The following SMAD2 variants were observed in gnomAD, a reference collection of about 807,000 sequenced individuals.
SMAD2 encodes the protein MAD homolog 2.
Under a neutral mutation model 64.4 loss-of-function variants are expected in SMAD2, and 8 were observed. The ratio of observed to expected loss-of-function variants is 0.12; its 90% confidence interval spans 0.07 to 0.22. The LOEUF (loss-of-function observed/expected upper bound fraction) is 0.22, where lower values mean the gene tolerates loss of function less well. SMAD2 is among the 10% of genes least tolerant of loss of function. SMAD2 has a pLI of 1.00. For missense variants in SMAD2, 289 were observed against 561.2 expected (o/e 0.51, Z 4.90); for synonymous variants, 203 against 195.8 (o/e 1.04, Z -0.31).
At chr18:47,856,854 ATTTTTTTTTT>A (rs758202544) in intron 6 of SMAD2, among the ~76,000 whole-genome samples, 13 of 123,284 alleles carry the variant, frequency 1.1e-4, no homozygotes, top group Non-Finnish European at 1.7e-4. Flanking sequence ...AACTATGCTA[ATTTTTTTTTT>A]TTTTTTTTTT....
chr18:47,896,610 C>T lies in SMAD2; in HGVS notation c.147G>A (p.Val49=), dbSNP rs961160617. Residue 49 remains valine, a synonymous_variant, in exon 2 of 11, where the codon GTG becomes GTA. Transcript: ENST00000262160. ...ATCGTCCTGTTTTCTTTAGCTTCTT[C>T]ACCAGACTTTTCACTGCTTTCTCAC... ...KWCEKAVKSL[V]KKLKKTGRLD... The T allele has an allele frequency of 6.2e-7, 1 of 1,614,160 alleles. No homozygotes were observed. Among genetic ancestry groups the T allele is most frequent in the Non-Finnish European group, 8.5e-7 (1 of 1,180,012 alleles).
rs1912525942 is a variant in SMAD2 at position 47,820,335 on chromosome 18, G to C, written c.*21492C>G. ...AATTAAGGTTAATAAGTTAAAATTT[G>C]AAAATACACAATTCCATATACAAAG... On this transcript the variant is annotated 3_prime_UTR_variant, in exon 11 of 11. Coordinates refer to ENST00000262160, the MANE Select transcript of SMAD2 (RefSeq NM_005901.6). The C allele has an allele frequency of 6.6e-6, 1 of 152,084 alleles. No individual in the cohort carries two copies. Among genetic ancestry groups the C allele is most frequent in the Admixed American group, 6.6e-5 (1 of 15,252 alleles). The allele number at this position is 152,084 out of a possible 1,614,324, so 9.4% of individuals were successfully genotyped here. A position where few individuals can be genotyped will look rare whatever the true frequency, so the allele number is the denominator to read the frequency against.
chr18:47,877,080 T>TA (rs902411587), intron 2 of SMAD2, among the ~76,000 whole-genome samples: 5 of 152,104 alleles, frequency 3.3e-5, no homozygotes, highest in African/African-American at 1.2e-4. Flanking sequence ...CTGCTGCAGT[T>TA]AGACAACCAA....
intron 6 of SMAD2, among the ~76,000 whole-genome samples, chr18:47,861,989 CAGAT>C (rs1289006037): frequency 1.3e-5 from 2 of 152,168 alleles, no homozygotes; most frequent in Non-Finnish European, 2.9e-5. Context: ...ATTTCAAACT[CAGAT>C]AGTCTAGCTC....
intron 2 of SMAD2, chr18:47,878,292 C>G (rs919818713): frequency 1.2e-4 from 18 of 152,134 alleles, no homozygotes; most frequent in African/African-American, 4.3e-4. Flanking sequence ...AAATAATGTC[C>G]AGATATGTGA....
In SMAD2 at chr18:47,833,411, T is replaced by A. The variant is rs1201937883; in HGVS notation, c.*8416A>T. On this transcript the variant is annotated 3_prime_UTR_variant, in exon 11 of 11. Transcript: ENST00000262160. ...GCCTCAGCTCATTGTTTAATAAAAA[T>A]AAAAAAGGAACCACATCGTACTTTT... The A allele has an allele frequency of 4.5e-6, 1 of 224,654 alleles. No individual in the cohort carries two copies. Among genetic ancestry groups the A allele is most frequent in the African/African-American group, 2.2e-5 (1 of 44,828 alleles). 13.9% of individuals were successfully genotyped at this position (224,654 alleles called of 1,614,324 possible). A position where few individuals can be genotyped will look rare whatever the true frequency, so the allele number is the denominator to read the frequency against.
chr18:47,854,898 T>C (rs2030529502), intron 6 of SMAD2, among the ~76,000 whole-genome samples: 1 of 152,198 alleles, frequency 6.6e-6, no homozygotes, highest in South Asian at 2.1e-4. Flanking sequence ...ATTAGGGCTA[T>C]GTTATACATT....
intron 2 of SMAD2, among the ~76,000 whole-genome samples, chr18:47,879,584 T>TC (rs2032469506): frequency 6.6e-6 from 1 of 151,446 alleles, no homozygotes; most frequent in African/African-American, 2.4e-5. Flanking sequence ...CTTATACTGA[T>TC]AGACACCTGA....
chr18:47,833,501 T>G lies in SMAD2; in HGVS notation c.*8326A>C, dbSNP rs963498802. 3.5e-5 allele frequency: 8 copies of G among 229,956 alleles called. No individual in the cohort carries two copies. Among genetic ancestry groups the G allele is most frequent in the African/African-American group, 1.8e-4 (8 of 45,142 alleles). The allele number at this position is 229,956 out of a possible 1,614,324, so 14.2% of individuals were successfully genotyped here. On this transcript the variant is annotated 3_prime_UTR_variant, in exon 11 of 11. Transcript: ENST00000262160. ...TATCTCCATCACAGTGCACCAAGGA[T>G]GCAGCCACTAAGGACTTCCAGAGGG...
intron 1 of SMAD2, among the ~76,000 whole-genome samples, chr18:47,903,587 AATTACAAG>A (rs1487266454): frequency 6.6e-6 from 1 of 152,126 alleles, no homozygotes; most frequent in Non-Finnish European, 1.5e-5. Context: ...TTCAATCAAA[AATTACAAG>A]ATACAGGGAG....
intron 1 of SMAD2, among the ~76,000 whole-genome samples, chr18:47,919,602 G>A (rs967427382): frequency 9.2e-5 from 14 of 151,998 alleles, no homozygotes; most frequent in African/African-American, 2.2e-4. Context: ...GAATGACTGC[G>A]GCGTACTAGG....
chr18:47,898,201 G>A (rs1488979208), intron 1 of SMAD2, among the ~76,000 whole-genome samples: 1 of 152,098 alleles, frequency 6.6e-6, no homozygotes, highest in African/African-American at 2.4e-5. Context: ...TGAAGAAATT[G>A]TTATCATTCC....
Position 47,827,982 on chromosome 18 carries a change from T to G in SMAD2, c.*13845A>C, listed in dbSNP as rs1598725556. 5.8e-6 allele frequency: 1 copy of G among 170,958 alleles called. No individual in the cohort carries two copies. Among genetic ancestry groups the G allele is most frequent in the African/African-American group, 2.5e-5 (1 of 40,280 alleles). 10.6% of individuals were successfully genotyped at this position (170,958 alleles called of 1,614,324 possible). On this transcript the variant is annotated 3_prime_UTR_variant, in exon 11 of 11. Coordinates refer to ENST00000262160, the MANE Select transcript of SMAD2 (RefSeq NM_005901.6). ...GGAGCCCCTCAGCCCGGCCGCCCAG[T>G]CTGGGAAGTGAGGAGCGCCTCTTCC...
rs1913950230 is a variant in SMAD2, at chr18:47,841,499, C to A, written c.*328G>T. On this transcript the variant is annotated 3_prime_UTR_variant, in exon 11 of 11. Coordinates refer to ENST00000262160, the MANE Select transcript of SMAD2 (RefSeq NM_005901.6). Reference sequence around the variant, plus strand: ...ATATAAACAGCACAATACTGTGATACTGGATCATGATACATTACCTGTACA... The same window carrying A: ...ATATAAACAGCACAATACTGTGATAATGGATCATGATACATTACCTGTACA... The A allele has an allele frequency of 1.1e-5, 5 of 435,570 alleles. No individual in the cohort carries two copies. The highest frequency in any genetic ancestry group is 7.2e-5 in the South Asian group (3 of 41,410). The allele number at this position is 435,570 out of a possible 1,614,324, so 27.0% of individuals were successfully genotyped here. A position where few individuals can be genotyped will look rare whatever the true frequency, so the allele number is the denominator to read the frequency against.
In SMAD2 at chr18:47,835,523, A is replaced by T; in HGVS notation, c.*6304T>A. The T allele has an allele frequency of 5.1e-6, 1 of 194,618 alleles. No homozygotes were observed. Among genetic ancestry groups the T allele is most frequent in the African/African-American group, 2.3e-5 (1 of 43,308 alleles). 12.1% of individuals were successfully genotyped at this position (194,618 alleles called of 1,614,324 possible). A position where few individuals can be genotyped will look rare whatever the true frequency, so the allele number is the denominator to read the frequency against. ...CTTAGGGACTTACTGAGAAAAGAAA[A>T]AACTTACTGGGAGAACAGAGACTTA... On this transcript the variant is annotated 3_prime_UTR_variant, in exon 11 of 11. Coordinates refer to ENST00000262160, the MANE Select transcript of SMAD2 (RefSeq NM_005901.6).
intron 1 of SMAD2, among the ~76,000 whole-genome samples, chr18:47,924,178 G>A (rs1176564751): frequency 6.6e-6 from 1 of 150,910 alleles, no homozygotes; most frequent in Non-Finnish European, 1.5e-5. Context: ...AACCTAGGAG[G>A]CGGAGGTTGC....
intron 1 of SMAD2, among the ~76,000 whole-genome samples, chr18:47,928,751 G>A (rs1410361506): frequency 6.6e-6 from 1 of 152,184 alleles, no homozygotes; most frequent in Non-Finnish European, 1.5e-5. Flanking sequence ...CACTTTAGAA[G>A]GTGTGGCTAA....
At chr18:47,896,933 C>G in intron 1 of SMAD2, 124 bp from the exon 2 acceptor site, 1 of 807,014 alleles carries the variant, frequency 1.2e-6, no homozygotes, top group South Asian at 1.5e-5. Context: ...TCCCAATAGA[C>G]TTCTCCACCC....
rs1179749173 is a variant in SMAD2, at chr18:47,831,605, G to A, written c.*10222C>T. The A allele has an allele frequency of 6.6e-6, 1 of 152,110 alleles. No homozygotes were observed. The highest frequency in any genetic ancestry group is 2.1e-4 in the South Asian group (1 of 4,816). 9.4% of individuals were successfully genotyped at this position (152,110 alleles called of 1,614,324 possible). On this transcript the variant is annotated 3_prime_UTR_variant, in exon 11 of 11. Transcript: ENST00000262160. ...ACCAATAAAGTCATGCAGTTTGGAC[G>A]GGAGCACAGTAATACATTCTGTTCT...
Sources: gnomAD v4.1 joint callset for allele counts (sites outside exome capture counted in the v4.1 genomes callset) on GRCh38, gnomAD v4.1.1 for gene constraint, MANE v1.5 for transcripts, NCBI Gene and HGNC (gene_info 2026-07-23, HGNC 2026-07-21) for gene names.